The following ALK variants were observed in gnomAD, a reference collection of about 807,000 sequenced individuals.
ALK encodes the protein ALK receptor tyrosine kinase, also known as ALK tyrosine kinase receptor.
A neutral mutation model predicts 163.1 loss-of-function variants in ALK; 74 were observed. The observed-to-expected ratio is 0.45, with a 90% confidence interval of 0.38 to 0.55. The LOEUF (loss-of-function observed/expected upper bound fraction) is 0.55, where lower values mean the gene tolerates loss of function less well. Ranked by LOEUF, ALK falls within the 20% of genes least tolerant of loss-of-function variation. The pLI is 0.00. For synonymous variants in ALK, 960 were observed against 843.2 expected (o/e 1.14, Z -2.40); for missense variants, 2,063 against 2,105.3 (o/e 0.98, Z 0.39).
chr2:29,414,232 C>A (rs1384463657), intron 4 of ALK, among the ~76,000 whole-genome samples: 1 of 152,148 alleles, frequency 6.6e-6, no homozygotes, highest in African/African-American at 2.4e-5. Flanking sequence ...ATTGAAAGAA[C>A]CCCTTACTAT....
At chr2:29,694,815 C>G (rs762455233) in intron 3 of ALK, 35 bp downstream of exon 3, 1 of 1,612,424 alleles carries the variant, frequency 6.2e-7, no homozygotes, top group Admixed American at 1.7e-5. Flanking sequence ...CTGGCCCTGA[C>G]CCACCCAGGA....
chr2:29,579,599 T>G (rs190928052), intron 3 of ALK, among the ~76,000 whole-genome samples: 1 of 152,290 alleles, frequency 6.6e-6, no homozygotes, highest in East Asian at 1.9e-4. Context: ...TTTGCTCTTT[T>G]CCTCTACGCT....
At chr2:29,336,618 C>CCAATATGCAT (rs1221985395) in intron 5 of ALK, among the ~76,000 whole-genome samples, 1 of 152,180 alleles carries the variant, frequency 6.6e-6, no homozygotes, top group Non-Finnish European at 1.5e-5. Flanking sequence ...AGAATGATGC[C>CCAATATGCAT]TCTTCCCTAA....
chr2:29,268,724 T>C (rs532964350), intron 11 of ALK, among the ~76,000 whole-genome samples: 19 of 152,298 alleles, frequency 1.2e-4, no homozygotes, highest in African/African-American at 4.6e-4. Context: ...AATTGGGCAG[T>C]ATTTAGTATT....
intron 1 of ALK, among the ~76,000 whole-genome samples, chr2:29,919,578 A>G (rs1667929933): frequency 6.6e-6 from 1 of 152,216 alleles, no homozygotes; most frequent in African/African-American, 2.4e-5. Flanking sequence ...CATATTTCCC[A>G]AATCTGTGCT....
chr2:29,723,726 G>C lies in ALK; in HGVS notation c.668-6029C>G, dbSNP rs72851963. 6.9e-3 allele frequency among the ~76,000 whole-genome samples: 1,051 copies of C among 152,320 alleles called. 17 individuals are homozygous for C. The highest frequency in any genetic ancestry group is 0.025 in the African/African-American group (1,022 of 41,562). On this transcript the variant is annotated intron_variant, in intron 1 of 28. Transcript: ENST00000389048. Reference sequence around the variant, plus strand: ...TCAGGGTTTTGTAAGGGCCACATGAGATAATGTGTGCATGACACAGTCTTT... The same window carrying C: ...TCAGGGTTTTGTAAGGGCCACATGACATAATGTGTGCATGACACAGTCTTT...
chr2:29,596,712 G>A (rs554550387), intron 3 of ALK, among the ~76,000 whole-genome samples: 1 of 152,286 alleles, frequency 6.6e-6, no homozygotes, highest in African/African-American at 2.4e-5. Flanking sequence ...AATAGCCTTT[G>A]ATAAAATAGA....
At chr2:29,510,297 T>C (rs1360148768) in intron 4 of ALK, among the ~76,000 whole-genome samples, 2 of 152,206 alleles carry the variant, frequency 1.3e-5, no homozygotes, top group East Asian at 1.9e-4. Flanking sequence ...GAGTCCCTGA[T>C]GGCAGGTGTT....
chr2:29,876,577 G>A (rs1666718875), intron 1 of ALK, among the ~76,000 whole-genome samples: 1 of 151,318 alleles, frequency 6.6e-6, no homozygotes, highest in South Asian at 2.1e-4. Context: ...GCTGATGGTG[G>A]TGGTGATGGT....
intron 3 of ALK, among the ~76,000 whole-genome samples, chr2:29,608,962 T>C (rs1007113687): frequency 1.3e-5 from 2 of 152,200 alleles, no homozygotes; most frequent in Admixed American, 6.5e-5. Context: ...TCTTGCTCTG[T>C]CATTCAGGCT....
chr2:29,846,560 C>G (rs757151293), intron 1 of ALK, among the ~76,000 whole-genome samples: 15 of 152,182 alleles, frequency 9.9e-5, no homozygotes, highest in Non-Finnish European at 1.3e-4. Context: ...TTGCTTATAA[C>G]TTTTATAAAG....
intron 11 of ALK, among the ~76,000 whole-genome samples, chr2:29,268,316 T>C (rs756839757): frequency 6.6e-6 from 1 of 152,172 alleles, no homozygotes; most frequent in Non-Finnish European, 1.5e-5. Context: ...AAATGATGAT[T>C]AGTTCAGAAT....
intron 4 of ALK, among the ~76,000 whole-genome samples, chr2:29,442,989 C>T (rs1178524360): frequency 6.6e-6 from 1 of 152,186 alleles, no homozygotes; most frequent in Non-Finnish European, 1.5e-5. Context: ...GATGAAGTTG[C>T]AGGGGGTCTG....
intron 25 of ALK, 146 bp downstream of exon 25, chr2:29,209,640 T>A: frequency 6.7e-6 from 4 of 592,772 alleles, no homozygotes; most frequent in Non-Finnish European, 9.1e-6. Context: ...AGGTTTCCCA[T>A]AGCCTGAAAA....
chr2:29,906,109 A>G (rs1007336525), intron 1 of ALK, among the ~76,000 whole-genome samples: 2 of 150,246 alleles, frequency 1.3e-5, no homozygotes, highest in African/African-American at 4.9e-5. Context: ...ATCTGGGGCC[A>G]TGCTTTAAGA....
At chr2:29,808,074 T>C (rs1664665806) in intron 1 of ALK, among the ~76,000 whole-genome samples, 1 of 152,236 alleles carries the variant, frequency 6.6e-6, no homozygotes, top group African/African-American at 2.4e-5. Flanking sequence ...TTTTATCTCT[T>C]TTTTTAATGT....
At chr2:29,521,336 TCAC>T (rs1326767072) in intron 4 of ALK, among the ~76,000 whole-genome samples, 2 of 152,112 alleles carry the variant, frequency 1.3e-5, no homozygotes, top group African/African-American at 2.4e-5. Flanking sequence ...CTCCCTTTTC[TCAC>T]CACCACAAGA....
At chr2:29,432,907 G>C (rs1001886921) in intron 4 of ALK, among the ~76,000 whole-genome samples, 1 of 152,110 alleles carries the variant, frequency 6.6e-6, no homozygotes, top group Non-Finnish European at 1.5e-5. Flanking sequence ...TCTAACTCCA[G>C]CTCTCATACT....
At chr2:29,675,565 G>C (rs2148274329) in intron 3 of ALK, among the ~76,000 whole-genome samples, 1 of 152,028 alleles carries the variant, frequency 6.6e-6, no homozygotes, top group African/African-American at 2.4e-5. Flanking sequence ...ATGGCCCAGG[G>C]GAACATCTTT....
Sources: gnomAD v4.1 joint callset for allele counts (sites outside exome capture counted in the v4.1 genomes callset) on GRCh38, gnomAD v4.1.1 for gene constraint, MANE v1.5 for transcripts, NCBI Gene and HGNC (gene_info 2026-07-23, HGNC 2026-07-21) for gene names.